The following SUMF2 variants were observed in gnomAD, a reference collection of about 807,000 sequenced individuals.
SUMF2 encodes sulfatase modifying factor 2, also known as inactive C-alpha-formylglycine-generating enzyme 2.
Under a neutral mutation model 44.8 loss-of-function variants are expected in SUMF2, and 45 were observed. The observed-to-expected ratio is 1.00, with a 90% CI of 0.79 to 1.29. The LOEUF (loss-of-function observed/expected upper bound fraction) is 1.29, where lower values mean the gene tolerates loss of function less well. Ranked by LOEUF, SUMF2 falls within the 50% of genes most tolerant of loss-of-function variation. The pLI is 0.00. For synonymous variants in SUMF2, 148 were observed against 150.4 expected, an observed-to-expected ratio of 0.98 and a Z score of 0.12; for missense variants, 418 against 389.9, an observed-to-expected ratio of 1.07 and a Z score of -0.61.
At chr7:56,077,132 C>T (rs1231235565) in intron 6 of SUMF2, among the ~76,000 whole-genome samples, 7 of 150,994 alleles carry the variant, frequency 4.6e-5, no homozygotes, top group African/African-American at 1.2e-4. Context: ...CTGCAACCTC[C>T]GCCTCCCAGG....
rs201072866 is a variant in SUMF2, at chr7:56,076,829, C to T, written c.536-5C>T. ...TCCTCTGCTGCCTCCTTGCTCTCCT[C>T]GCAGGTCAAGTTTACCCATGGGGGA... is the stretch of plus-strand genomic sequence containing the variant. On this transcript the variant is annotated splice_region_variant and splice_polypyrimidine_tract_variant and intron_variant, in intron 5 of 8. Transcript: ENST00000434526. 36 of 1,594,844 alleles carry T rather than the reference C, an allele frequency of 2.3e-5. No individual in the cohort carries two copies. Among genetic ancestry groups the T allele is most frequent in the East Asian group, 1.4e-4 (6 of 43,526 alleles).
At chr7:56,067,316 T>C (rs1794870986) in intron 1 of SUMF2, among the ~76,000 whole-genome samples, 4 of 152,118 alleles carry the variant, frequency 2.6e-5, no homozygotes, top group Admixed American at 2.0e-4. Context: ...TTATTATCTT[T>C]TTATTTTTTA....
At chr7:56,082,626 G>A (rs1796062924), downstream of SUMF2, among the ~76,000 whole-genome samples, 1 of 151,916 alleles carries the variant, frequency 6.6e-6, no homozygotes, top group Non-Finnish European at 1.5e-5. Flanking sequence ...AGAGACAATG[G>A]AGATGATGGA....
Position 56,079,775 on chromosome 7 carries a change from G to T in SUMF2, c.*163G>T. ...TGGCAGGCGCCTCTCACCAGGGCAG[G>T]AGAGGACTCAGCCTCCTGTGTTTTG... On this transcript the variant is annotated 3_prime_UTR_variant, in exon 9 of 9. Transcript: ENST00000434526. 1.3e-6 allele frequency: 2 copies of T among 1,557,094 alleles called. No homozygotes were observed. Among genetic ancestry groups the T allele is most frequent in the Non-Finnish European group, 1.7e-6 (2 of 1,149,538 alleles).
intron 5 of SUMF2, 53 bp from the exon 6 acceptor site, chr7:56,076,780 CT>C: frequency 6.7e-7 from 1 of 1,487,762 alleles, no homozygotes; most frequent in Non-Finnish European, 9.1e-7. Flanking sequence ...TTCTTTTTTC[CT>C]TCCCTAATTC....
intron 2 of SUMF2, 58 bp from the exon 3 acceptor site, chr7:56,072,939 G>A: frequency 7.7e-7 from 1 of 1,294,836 alleles, no homozygotes; most frequent in Non-Finnish European, 1.1e-6. Context: ...TGGAGCAGGA[G>A]AAGATGGGGT....
intron 6 of SUMF2, 100 bp from the exon 7 acceptor site, chr7:56,078,002 C>G: frequency 1.0e-6 from 1 of 999,404 alleles, no homozygotes; most frequent in Admixed American, 2.1e-5. Flanking sequence ...TCCCCTTCCC[C>G]AGATGCAACA....
At chr7:56,072,808 T>C (rs1795264709) in intron 2 of SUMF2, among the ~76,000 whole-genome samples, 189 bp from the exon 3 acceptor site, 1 of 152,208 alleles carries the variant, frequency 6.6e-6, no homozygotes, top group African/African-American at 2.4e-5. Flanking sequence ...TGAATTTTAC[T>C]GTATGTGAAT....
chr7:56,074,036 AAAAAAAAAT>A, intron 3 of SUMF2, 129 bp from the exon 4 acceptor site: 1 of 610,368 alleles, frequency 1.6e-6, no homozygotes, highest in Non-Finnish European at 2.8e-6. Flanking sequence ...AAAAAAAAAA[AAAAAAAAAT>A]CAGCCACAAC....
Position 56,064,472 on chromosome 7 carries a change from C to T in SUMF2, c.67+94C>T. The T allele has an allele frequency of 2.7e-6, 4 of 1,469,462 alleles. No homozygotes were observed. The East Asian group carries it at 1.1e-4, about 41-fold the overall frequency. The allele number at this position is 1,469,462 out of a possible 1,614,324, so 91.0% of individuals were successfully genotyped here. A position where few individuals can be genotyped will look rare whatever the true frequency, so the allele number is the denominator to read the frequency against. ...GAGCCTTAGGCCCTTCTGCCGGCTT[C>T]CGGGATGCGGCTGCAGCGGCAGGCT... On this transcript the variant is annotated intron_variant, in intron 1 of 8. Transcript: ENST00000434526.
At chr7:56,078,556 G>A (rs1456002182) in intron 8 of SUMF2, 48 bp downstream of exon 8, 1 of 1,500,694 alleles carries the variant, frequency 6.7e-7, no homozygotes, top group East Asian at 2.3e-5. Flanking sequence ...GCTGGGGGCT[G>A]ATGTCTGAAT....
intron 5 of SUMF2, among the ~76,000 whole-genome samples, chr7:56,075,474 A>G (rs954516261): frequency 1.3e-5 from 2 of 151,946 alleles, no homozygotes; most frequent in African/African-American, 4.8e-5. Context: ...AGGTGGGTGG[A>G]TCACGAGGTC....
chr7:56,078,987 G>T, intron 8 of SUMF2: 2 of 622,996 alleles, frequency 3.2e-6, no homozygotes, highest in Non-Finnish European at 2.9e-6. Context: ...GCCTCAAACT[G>T]CCAGGCTCTA....
In SUMF2 at chr7:56,074,741, C is replaced by A; in HGVS notation, c.535+5C>A. On this transcript the variant is annotated splice_donor_5th_base_variant and intron_variant, in intron 5 of 8. Coordinates refer to ENST00000434526, the MANE Select transcript of SUMF2 (RefSeq NM_015411.4). ...CCGCCCGAGGGGGCTTGAAGGGTAT[C>A]CAGATGATAAGGCGATTTTCCTTTA... 5 of 1,614,084 alleles carry A rather than the reference C, an allele frequency of 3.1e-6. No homozygotes were observed. The highest frequency in any genetic ancestry group is 8.5e-7 in the Non-Finnish European group (1 of 1,180,006).
chr7:56,070,947 G>A (rs529025378), intron 2 of SUMF2, among the ~76,000 whole-genome samples: 2 of 152,340 alleles, frequency 1.3e-5, no homozygotes, highest in South Asian at 4.1e-4. Context: ...GGTGTTCTGG[G>A]AAAGGCAAAA....
chr7:56,076,754 C>A, intron 5 of SUMF2, 80 bp from the exon 6 acceptor site: 1 of 1,333,260 alleles, frequency 7.5e-7, no homozygotes, highest in Non-Finnish European at 1.0e-6. Context: ...CTTTTGATTC[C>A]CTCACTCTTT....
chr7:56,082,043 C>A, downstream of SUMF2: 1 of 1,612,476 alleles, frequency 6.2e-7, no homozygotes, highest in Non-Finnish European at 8.5e-7. Flanking sequence ...CGCCAGTGCT[C>A]CACCTGGACA....
At chr7:56,074,256 C>T in intron 4 of SUMF2, 38 bp downstream of exon 4, 2 of 1,597,762 alleles carry the variant, frequency 1.3e-6, no homozygotes, top group Non-Finnish European at 1.7e-6. Flanking sequence ...TCTACCCCTG[C>T]TTGACTCTTA....
At chr7:56,073,480 C>T (rs1795314489) in intron 3 of SUMF2, 1 of 312,242 alleles carries the variant, frequency 3.2e-6, no homozygotes, top group Admixed American at 4.0e-5. Context: ...CCCGTCTATA[C>T]TAAAAATACA....
Sources: gnomAD v4.1 joint callset for allele counts (sites outside exome capture counted in the v4.1 genomes callset) on GRCh38, gnomAD v4.1.1 for gene constraint, MANE v1.5 for transcripts, NCBI Gene and HGNC (gene_info 2026-07-23, HGNC 2026-07-21) for gene names.